Variants in TNNI3K observed in about 807,000 individuals in gnomAD.
The protein encoded by TNNI3K is TNNI3 interacting kinase, also known as serine/threonine-protein kinase TNNI3K.
Under a neutral mutation model 114.5 loss-of-function variants are expected in TNNI3K, and 140 were observed. The observed-to-expected ratio is 1.22, with a 90% CI of 1.07 to 1.41. The LOEUF (loss-of-function observed/expected upper bound fraction) is 1.41. Among genes scored for constraint, TNNI3K ranks in the 40% most tolerant of loss-of-function variants. The pLI, the probability that TNNI3K is intolerant of heterozygous loss-of-function variation, is 0.00. For missense variants in TNNI3K, 1,125 were observed against 1,007.6 expected (o/e 1.12, Z -1.58); for synonymous variants, 347 against 347.5 (o/e 1.00, Z 0.02).
At chr1:74,486,867 G>A (rs76260105) in intron 21 of TNNI3K, among the ~76,000 whole-genome samples, 2,929 of 152,174 alleles carry the variant, frequency 0.019, 94 homozygotes, top group African/African-American at 0.067. Flanking sequence ...CAGGGACAAA[G>A]GAATTGTTGC....
intron 11 of TNNI3K, among the ~76,000 whole-genome samples, chr1:74,362,238 A>G (rs1354595943): frequency 6.6e-6 from 1 of 152,134 alleles, no homozygotes; most frequent in African/African-American, 2.4e-5. Context: ...AAGGGGATAT[A>G]TTAAAATATT....
intron 20 of TNNI3K, among the ~76,000 whole-genome samples, chr1:74,440,489 A>G (rs1191589450): frequency 6.6e-6 from 1 of 152,128 alleles, no homozygotes; most frequent in Non-Finnish European, 1.5e-5. Flanking sequence ...TTAACAAGTT[A>G]AAAGTCTTGA....
intron 20 of TNNI3K, among the ~76,000 whole-genome samples, chr1:74,441,198 A>G (rs576158876): frequency 3.3e-5 from 5 of 152,254 alleles, no homozygotes; most frequent in Non-Finnish European, 7.4e-5. Flanking sequence ...GATGTATAAC[A>G]TTTCCATCAC....
intron 23 of TNNI3K, among the ~76,000 whole-genome samples, chr1:74,513,524 A>G (rs116254268): frequency 1.7e-3 from 259 of 152,198 alleles, no homozygotes; most frequent in African/African-American, 6.1e-3. Flanking sequence ...TCTTCCTTTC[A>G]TTTTTCTTCT....
At chr1:74,335,470 CT>C (rs1274817065) in intron 6 of TNNI3K, among the ~76,000 whole-genome samples, 1 of 152,058 alleles carries the variant, frequency 6.6e-6, no homozygotes, top group East Asian at 1.9e-4. Flanking sequence ...TTTTATTTCA[CT>C]GTTCAACCTC....
At chr1:74,310,904 G>A (rs1353324532) in intron 5 of TNNI3K, among the ~76,000 whole-genome samples, 2 of 151,984 alleles carry the variant, frequency 1.3e-5, no homozygotes, top group Non-Finnish European at 1.5e-5. Context: ...AGACCACCTC[G>A]TTCTATACAG....
chr1:74,498,839 C>A (rs774673499), intron 23 of TNNI3K, among the ~76,000 whole-genome samples: 2 of 152,050 alleles, frequency 1.3e-5, no homozygotes, highest in Non-Finnish European at 2.9e-5. Context: ...CACATTCATT[C>A]CCTGTGTGTT....
intron 4 of TNNI3K, among the ~76,000 whole-genome samples, chr1:74,269,052 C>A (rs796692097): frequency 6.6e-6 from 1 of 151,882 alleles, no homozygotes; most frequent in Non-Finnish European, 1.5e-5. Context: ...ATCTGTCTTT[C>A]GACTTTTGCA....
At chr1:74,433,279 C>T (rs1028485356) in intron 17 of TNNI3K, among the ~76,000 whole-genome samples, 2 of 152,038 alleles carry the variant, frequency 1.3e-5, no homozygotes, top group African/African-American at 4.8e-5. Flanking sequence ...ACACAACCTC[C>T]CTGATTTTAA....
At chr1:74,518,860 TTA>T (rs1646387301) in intron 23 of TNNI3K, among the ~76,000 whole-genome samples, 1 of 112,944 alleles carries the variant, frequency 8.9e-6, no homozygotes, top group Admixed American at 9.4e-5. Context: ...TTATTTTATT[TTA>T]TTTTTTTTCC....
At chr1:74,426,470 G>C (rs1054474546) in intron 17 of TNNI3K, among the ~76,000 whole-genome samples, 5 of 151,938 alleles carry the variant, frequency 3.3e-5, no homozygotes, top group Non-Finnish European at 5.9e-5. Flanking sequence ...CCTCACAGCT[G>C]TTATTTTTAA....
intron 23 of TNNI3K, among the ~76,000 whole-genome samples, chr1:74,520,394 G>C (rs1021874793): frequency 1.3e-5 from 2 of 151,874 alleles, no homozygotes; most frequent in Non-Finnish European, 2.9e-5. Flanking sequence ...TTCTTCCTCA[G>C]CCCCTCCAGT....
intron 17 of TNNI3K, chr1:74,378,580 T>C (rs1181041835): frequency 7.9e-6 from 1 of 127,208 alleles, no homozygotes; most frequent in East Asian, 2.3e-4. Flanking sequence ...TTTGTTGTTG[T>C]TGTCAGTTTA....
chr1:74,321,534 A>G (rs1245376487), intron 5 of TNNI3K, among the ~76,000 whole-genome samples: 1 of 151,652 alleles, frequency 6.6e-6, no homozygotes, highest in African/African-American at 2.4e-5. Flanking sequence ...CCCTCTCTCT[A>G]TCCATCAGCT....
chr1:74,375,883 C>T (rs993957285), intron 17 of TNNI3K: 16 of 246,892 alleles, frequency 6.5e-5, no homozygotes, highest in East Asian at 5.2e-4. Context: ...ATCTAGGCAC[C>T]GGGCAAGGAG....
chr1:74,290,614 G>C (rs1032214418), intron 5 of TNNI3K, among the ~76,000 whole-genome samples: 9 of 151,778 alleles, frequency 5.9e-5, no homozygotes, highest in African/African-American at 2.2e-4. Context: ...CATTGTACAA[G>C]ATTATACATT....
At chr1:74,480,776 G>A in intron 21 of TNNI3K, 1 of 717,538 alleles carries the variant, frequency 1.4e-6, no homozygotes, top group Non-Finnish European at 2.6e-6. Flanking sequence ...CGAAGAGCTG[G>A]ATATTTGGTT....
intron 17 of TNNI3K, among the ~76,000 whole-genome samples, chr1:74,402,489 A>G (rs1664415822): frequency 6.6e-6 from 1 of 152,214 alleles, no homozygotes; most frequent in African/African-American, 2.4e-5. Context: ...AGTTGAATCA[A>G]AACTCGAATG....
intron 11 of TNNI3K, among the ~76,000 whole-genome samples, chr1:74,360,957 T>C (rs188391449): frequency 6.6e-6 from 1 of 152,200 alleles, no homozygotes; most frequent in East Asian, 1.9e-4. Flanking sequence ...CTAATAGATA[T>C]TCATGCTTGT....
Sources: gnomAD v4.1 joint callset for allele counts (sites outside exome capture counted in the v4.1 genomes callset) on GRCh38, gnomAD v4.1.1 for gene constraint, MANE v1.5 for transcripts, NCBI Gene and HGNC (gene_info 2026-07-23, HGNC 2026-07-21) for gene names.